ENDOD1: variants seen among roughly 807,000 people sequenced by gnomAD.
ENDOD1 encodes endonuclease domain-containing 1 protein.
A neutral mutation model predicts 6.5 loss-of-function variants in ENDOD1; 9 were observed. That is an observed-to-expected ratio of 1.39 (90% confidence interval 0.84 to 2.43). The LOEUF (loss-of-function observed/expected upper bound fraction) is 2.43. Ranked by LOEUF, ENDOD1 falls within the 30% of genes most tolerant of loss-of-function variation. The pLI, the probability that ENDOD1 is intolerant of heterozygous loss-of-function variation, is 0.00. For missense variants in ENDOD1, 648 were observed against 635.5 expected, an observed-to-expected ratio of 1.02 and a Z score of -0.21; for synonymous variants, 255 against 255.2, an observed-to-expected ratio of 1.00 and a Z score of 0.01.
intron 1 of ENDOD1, among the ~76,000 whole-genome samples, chr11:95,115,523 C>A (rs78394621): frequency 0.016 from 2,391 of 152,170 alleles, 39 homozygotes; most frequent in Middle Eastern, 0.027. Context: ...CTAGCTAAAA[C>A]TTCCTAGCTA....
chr11:95,115,587 GGAAA>G (rs1859200709), intron 1 of ENDOD1, among the ~76,000 whole-genome samples: 1 of 152,068 alleles, frequency 6.6e-6, no homozygotes, highest in African/African-American at 2.4e-5. Context: ...ATATCTTACA[GGAAA>G]GACTTTCAGT....
At chr11:95,113,713 A>G (rs1424444623) in intron 1 of ENDOD1, among the ~76,000 whole-genome samples, 10 of 152,204 alleles carry the variant, frequency 6.6e-5, no homozygotes, top group African/African-American at 2.4e-4. Flanking sequence ...CAAACACGGA[A>G]GTGCAGGTAT....
At chr11:95,126,949 G>A (rs898283539) in intron 1 of ENDOD1, among the ~76,000 whole-genome samples, 1 of 152,148 alleles carries the variant, frequency 6.6e-6, no homozygotes, top group Non-Finnish European at 1.5e-5. Context: ...GCCTCTCAAA[G>A]TGCTGGGATT....
At chr11:95,118,107 C>G (rs1326630102) in intron 1 of ENDOD1, among the ~76,000 whole-genome samples, 1 of 152,118 alleles carries the variant, frequency 6.6e-6, no homozygotes, top group Non-Finnish European at 1.5e-5. Context: ...CTATTTATAT[C>G]TTATTGTACT....
chr11:95,118,823 T>C (rs1287159034), intron 1 of ENDOD1, among the ~76,000 whole-genome samples: 4 of 152,214 alleles, frequency 2.6e-5, no homozygotes, highest in African/African-American at 9.6e-5. Flanking sequence ...ATTTTCTAGA[T>C]CTTGTAGGTG....
intron 1 of ENDOD1, among the ~76,000 whole-genome samples, chr11:95,098,728 C>T (rs1191440861): frequency 6.6e-6 from 1 of 151,918 alleles, no homozygotes; most frequent in Non-Finnish European, 1.5e-5. Context: ...TCATGTAATC[C>T]TCAGCATCGT....
chr11:95,112,227 TG>T (rs1407856224), intron 1 of ENDOD1, among the ~76,000 whole-genome samples: 1 of 152,238 alleles, frequency 6.6e-6, no homozygotes, highest in Non-Finnish European at 1.5e-5. Flanking sequence ...GCACCATTTT[TG>T]TCTCTCATTT....
chr11:95,108,018 G>C (rs1259144094), intron 1 of ENDOD1, among the ~76,000 whole-genome samples: 1 of 152,208 alleles, frequency 6.6e-6, no homozygotes, highest in Admixed American at 6.5e-5. Context: ...ACTCCTCGCT[G>C]TGTGTGATGA....
At position 95,123,432 on chromosome 11, in the gene ENDOD1, A is replaced by G. The variant is rs560826613; in HGVS notation, c.301-4945A>G. 7.2e-5 allele frequency among the ~76,000 whole-genome samples: 11 copies of G among 152,220 alleles called. No homozygotes were observed. The East Asian group carries it at 2.1e-3, about 29-fold the overall frequency. ...AGAAAACAGAATCAGATTGTTTACA[A>G]CGTGGCCAATGTGATTTAGGAAAGG... On this transcript the variant is annotated intron_variant, in intron 1 of 1. Transcript: ENST00000278505.
chr11:95,092,858 C>T (rs1200834840), intron 1 of ENDOD1, among the ~76,000 whole-genome samples: 7 of 152,194 alleles, frequency 4.6e-5, no homozygotes, highest in African/African-American at 1.7e-4. Context: ...TGGCGGCTTC[C>T]AAGCATTTTA....
intron 1 of ENDOD1, among the ~76,000 whole-genome samples, chr11:95,114,300 G>T (rs1299541362): frequency 6.8e-6 from 1 of 147,488 alleles, no homozygotes; most frequent in African/African-American, 2.7e-5. Flanking sequence ...GTAGAGACGG[G>T]GTTTCACTAT....
intron 1 of ENDOD1, among the ~76,000 whole-genome samples, chr11:95,122,589 T>TACACGCAC (rs143507497): frequency 7.0e-6 from 1 of 142,730 alleles, no homozygotes; most frequent in Admixed American, 7.0e-5. Context: ...GCATTTAAGT[T>TACACGCAC]ACACACACAC....
At chr11:95,107,174 G>A (rs1859096943) in intron 1 of ENDOD1, among the ~76,000 whole-genome samples, 1 of 150,098 alleles carries the variant, frequency 6.7e-6, no homozygotes, top group Admixed American at 6.6e-5. Context: ...TTGGGTGGAG[G>A]GGAACTTTTT....
chr11:95,103,805 G>A (rs1264983130), intron 1 of ENDOD1, among the ~76,000 whole-genome samples: 1 of 152,206 alleles, frequency 6.6e-6, no homozygotes, highest in African/African-American at 2.4e-5. Context: ...GGGAGACAAT[G>A]TGTGCAAAAA....
intron 1 of ENDOD1, among the ~76,000 whole-genome samples, chr11:95,099,169 T>C (rs1472638684): frequency 2.0e-5 from 3 of 152,140 alleles, no homozygotes; most frequent in Non-Finnish European, 2.9e-5. Flanking sequence ...CTTCCTATTA[T>C]CCTTATGCAA....
intron 1 of ENDOD1, among the ~76,000 whole-genome samples, chr11:95,105,665 G>A (rs549464272): frequency 6.6e-6 from 1 of 152,284 alleles, no homozygotes; most frequent in East Asian, 1.9e-4. Context: ...GTGAGAACAT[G>A]CGGTGTTTGG....
At chr11:95,093,255 A>G (rs1555110025) in intron 1 of ENDOD1, among the ~76,000 whole-genome samples, 1 of 152,116 alleles carries the variant, frequency 6.6e-6, no homozygotes, top group Non-Finnish European at 1.5e-5. Flanking sequence ...CCACCCTCAT[A>G]TTTTATGTTC....
chr11:95,100,898 T>A, intron 1 of ENDOD1, among the ~76,000 whole-genome samples: 1 of 132,672 alleles, frequency 7.5e-6, no homozygotes, highest in Non-Finnish European at 1.6e-5. Flanking sequence ...CCTTCCGTGA[T>A]ATTCCCAAGT....
Position 95,103,096 on chromosome 11 carries a change from AGTGGGTGTGTGT to A in ENDOD1, c.300+12873_300+12884del, listed in dbSNP as rs1299389315. 7.3e-4 allele frequency among the ~76,000 whole-genome samples: 41 copies of A among 56,512 alleles called. 1 individual carries two copies. Among genetic ancestry groups the A allele is most frequent in the South Asian group, 8.0e-4 (1 of 1,250 alleles). 37.1% of individuals were successfully genotyped at this position (56,512 alleles called of 152,430 possible). The stretch of plus-strand genomic sequence containing the variant: ...AAGAGGAAGCTAAGGAACTAGGCAG[AGTGGGTGTGTGT>A]GTGTGTGTGTGTGTGTGTGTGTGTG... On this transcript the variant is annotated intron_variant, in intron 1 of 1. Coordinates refer to ENST00000278505, the MANE Select transcript of ENDOD1 (RefSeq NM_015036.3).
Sources: gnomAD v4.1 joint callset for allele counts (sites outside exome capture counted in the v4.1 genomes callset) on GRCh38, gnomAD v4.1.1 for gene constraint, MANE v1.5 for transcripts, NCBI Gene and HGNC (gene_info 2026-07-23, HGNC 2026-07-21) for gene names.